The following TMEM64 variants were observed in gnomAD, a reference collection of about 807,000 sequenced individuals.
TMEM64 encodes transmembrane protein 64.
Under a neutral mutation model 24.5 loss-of-function variants are expected in TMEM64, and 19 were observed. The observed-to-expected ratio is 0.78, with a 90% CI of 0.54 to 1.14. The LOEUF is 1.14. TMEM64 is among the 50% of genes most tolerant of loss of function. TMEM64 has a pLI of 0.00. For missense variants in TMEM64, 487 were observed against 493.0 expected (o/e 0.99, Z 0.12); for synonymous variants, 262 against 224.7 (o/e 1.17, Z -1.49).
chr8:90,635,144 C>A (rs1184640864), intron 1 of TMEM64, among the ~76,000 whole-genome samples: 1 of 152,126 alleles, frequency 6.6e-6, no homozygotes, highest in Non-Finnish European at 1.5e-5. Context: ...ACCTCAGAAA[C>A]AGGCAGAATG....
Position 90,645,977 on chromosome 8 carries a change from T to G in TMEM64, c.-72A>C. The G allele has an allele frequency of 4.7e-6, 4 of 845,084 alleles. No individual in the cohort carries two copies. The highest frequency in any genetic ancestry group is 5.9e-6 in the Non-Finnish European group (4 of 682,524). 52.3% of individuals were successfully genotyped at this position (845,084 alleles called of 1,614,324 possible). On this transcript the variant is annotated 5_prime_UTR_variant, in exon 1 of 3. It removes an upstream start codon present in the reference 5' UTR. Transcript: ENST00000458549. This position sits in a 1 kb window ranked among gnomAD's most constrained non-coding sequence, Gnocchi z 4.2. The stretch of plus-strand genomic sequence containing the variant: ...GCGCCCGTTAGGCAGCTGCCCTTCA[T>G]GGCGCCCGGTTCGCCCGGCATCGAC...
rs1285717206 is a variant in TMEM64 at position 90,645,675 on chromosome 8, C to T, written c.231G>A (p.Glu77=). 1.3e-6 allele frequency: 2 copies of T among 1,499,274 alleles called. No individual in the cohort carries two copies. The highest frequency in any genetic ancestry group is 2.2e-5 in the Admixed American group (1 of 44,928). The allele number at this position is 1,499,274 out of a possible 1,614,324, so 92.9% of individuals were successfully genotyped here. A position where few individuals can be genotyped will look rare whatever the true frequency, so the allele number is the denominator to read the frequency against. Residue 77 remains glutamate, a synonymous_variant, in exon 1 of 3, where the codon GAG becomes GAA. Coordinates refer to ENST00000458549, the MANE Select transcript of TMEM64 (RefSeq NM_001008495.4). This position sits in a 1 kb window ranked among gnomAD's most constrained non-coding sequence, Gnocchi z 4.2. ...CGCCCGGCTCCGGCAGCTCCGAAGC[C>T]TCGGGCGGACCGTGGCGCTCCAGAT... is the stretch of plus-strand genomic sequence containing the variant. ...GAYLERHGPP[E]ASELPEPGGA...
chr8:90,640,345 C>T (rs1401185548), intron 1 of TMEM64, among the ~76,000 whole-genome samples: 1 of 152,092 alleles, frequency 6.6e-6, no homozygotes, highest in African/African-American at 2.4e-5. Flanking sequence ...AATAAGAAAA[C>T]ATATTACAGA....
rs1316858498 is a variant in TMEM64, at chr8:90,644,652, T to C, written c.795+459A>G. 5.3e-5 allele frequency among the ~76,000 whole-genome samples: 8 copies of C among 152,230 alleles called. No individual in the cohort carries two copies. In the East Asian group the frequency reaches 1.3e-3, roughly 26 times the overall value. On this transcript the variant is annotated intron_variant, in intron 1 of 2. Transcript: ENST00000458549. ...TTAGCAAACTCCAAAATCTGGAGTCTGCAACTAGCTCCTCCACTGTTTACT... is the reference window on the plus strand; with the variant it reads ...TTAGCAAACTCCAAAATCTGGAGTCCGCAACTAGCTCCTCCACTGTTTACT...
chr8:90,628,715 G>C (rs1328497657), intron 2 of TMEM64, among the ~76,000 whole-genome samples: 3 of 152,180 alleles, frequency 2.0e-5, no homozygotes, highest in African/African-American at 7.2e-5. Flanking sequence ...AGTACAGTTT[G>C]AGCATTCCTA....
intron 1 of TMEM64, among the ~76,000 whole-genome samples, chr8:90,644,579 A>G (rs954120068): frequency 2.6e-5 from 4 of 152,358 alleles, no homozygotes; most frequent in Admixed American, 6.5e-5. Flanking sequence ...TCTTCTTTAC[A>G]TCACATTAAA....
chr8:90,639,156 C>T (rs982102142), intron 1 of TMEM64, among the ~76,000 whole-genome samples: 1 of 151,602 alleles, frequency 6.6e-6, no homozygotes, highest in Non-Finnish European at 1.5e-5. Context: ...AGTGCTGAGA[C>T]CCTACCCTAA....
At chr8:90,637,659 G>A (rs1249927654) in intron 1 of TMEM64, among the ~76,000 whole-genome samples, 1 of 151,974 alleles carries the variant, frequency 6.6e-6, no homozygotes, top group African/African-American at 2.4e-5. Context: ...TGTTAAGAAA[G>A]GATTGGTCAA....
chr8:90,630,397 T>C (rs1409135315), intron 2 of TMEM64, among the ~76,000 whole-genome samples: 1 of 152,162 alleles, frequency 6.6e-6, no homozygotes, highest in Admixed American at 6.5e-5. Flanking sequence ...GTGGAACCAA[T>C]GGATAGAGAG....
In TMEM64 at chr8:90,645,588, C is replaced by A; in HGVS notation, c.318G>T (p.Val106=). 6.5e-7 allele frequency: 1 copy of A among 1,540,278 alleles called. No individual in the cohort carries two copies. ...GGGVVVGVAE[V]RNWRCCCLGS... The stretch of plus-strand genomic sequence containing the variant: ...CGAGGCAGCAGCAGCGCCAGTTTCT[C>A]ACCTCAGCCACGCCGACCACCACGC... The change falls in exon 1 of 3, where the codon GTG becomes GTT. Residue 106 remains valine (V), a synonymous_variant. Transcript: ENST00000458549. This position sits in a 1 kb window ranked among gnomAD's most constrained non-coding sequence, Gnocchi z 4.2.
rs374193916 is a variant in TMEM64, at chr8:90,624,117, A to C, written c.*1554T>G. ...AGGTATGGACATATAAATGAACTTT[A>C]CTGTTACTCAAAGGTGAGAAAACTT... On this transcript the variant is annotated 3_prime_UTR_variant, in exon 3 of 3. Transcript: ENST00000458549. The C allele has an allele frequency of 2.1e-4, 32 of 152,182 alleles. No homozygotes were observed. Among genetic ancestry groups the C allele is most frequent in the African/African-American group, 6.7e-4 (28 of 41,550 alleles). 9.4% of individuals were successfully genotyped at this position (152,182 alleles called of 1,614,324 possible).
rs868228432 is a variant in TMEM64 at position 90,645,173 on chromosome 8, T to G, written c.733A>C (p.Lys245Gln). Residue 245 changes from lysine (K) to glutamine (Q), a missense_variant, in exon 1 of 3, where the codon AAA becomes CAA. Lys to Gln is a moderately conservative substitution (Grantham distance 53). Around this residue, in one of 3 missense-constraint regions of TMEM64, gnomAD observed 419 missense variants for 407.5 expected, o/e 1.03. Coordinates refer to ENST00000458549, the MANE Select transcript of TMEM64 (RefSeq NM_001008495.4). This position sits in a 1 kb window ranked among gnomAD's most constrained non-coding sequence, Gnocchi z 4.2. Reference sequence around the variant, plus strand: ...GTCAGTCTGGCCAGCGCCACCACTTTCAGGCCGCTTCCTCCCTCCACTACG... The same window carrying G: ...GTCAGTCTGGCCAGCGCCACCACTTGCAGGCCGCTTCCTCCCTCCACTACG... ...IRVVEGGSGL[K>Q]VVALARLTPI... 1.2e-5 allele frequency: 19 copies of G among 1,614,020 alleles called. No individual in the cohort carries two copies. The Middle Eastern group carries it at 6.6e-4, about 56-fold the overall frequency.
chr8:90,636,470 G>A (rs898823362), intron 1 of TMEM64, among the ~76,000 whole-genome samples: 1 of 152,154 alleles, frequency 6.6e-6, no homozygotes, highest in Non-Finnish European at 1.5e-5. Flanking sequence ...TGGTCAGGCT[G>A]GTCTCGAACT....
rs1016764034 is a variant in TMEM64 at position 90,623,961 on chromosome 8, T to C, written c.*1710A>G. ...AGAGAAAAAAAACCGAAATGAGTAA[T>C]TAGGATTCAAAAAGAATAAGGGTAT... is the stretch of plus-strand genomic sequence containing the variant. On this transcript the variant is annotated 3_prime_UTR_variant, in exon 3 of 3. Coordinates refer to ENST00000458549, the MANE Select transcript of TMEM64 (RefSeq NM_001008495.4). 12 of 151,520 alleles carry C rather than the reference T, an allele frequency of 7.9e-5. No homozygotes were observed. The highest frequency in any genetic ancestry group is 1.6e-4 in the Non-Finnish European group (11 of 67,830). 9.4% of individuals were successfully genotyped at this position (151,520 alleles called of 1,614,324 possible). A position where few individuals can be genotyped will look rare whatever the true frequency, so the allele number is the denominator to read the frequency against.
intron 1 of TMEM64, among the ~76,000 whole-genome samples, chr8:90,642,922 T>C (rs1346155122): frequency 1.3e-5 from 2 of 152,192 alleles, no homozygotes; most frequent in African/African-American, 4.8e-5. Flanking sequence ...GAGGCCATTT[T>C]TCTTTTTTTT....
chr8:90,634,807 T>A (rs1223081206), intron 1 of TMEM64, among the ~76,000 whole-genome samples: 1 of 152,222 alleles, frequency 6.6e-6, no homozygotes, highest in East Asian at 1.9e-4. Context: ...AGAAAGCTAC[T>A]GGCCACTATA....
intron 2 of TMEM64, among the ~76,000 whole-genome samples, chr8:90,631,207 T>C (rs1246814341): frequency 1.3e-5 from 2 of 152,146 alleles, no homozygotes; most frequent in Non-Finnish European, 1.5e-5. Context: ...CTCTGCCCAA[T>C]CTTACTGAAA....
chr8:90,642,405 T>C (rs1809617754), intron 1 of TMEM64, among the ~76,000 whole-genome samples: 1 of 151,644 alleles, frequency 6.6e-6, no homozygotes, highest in Non-Finnish European at 1.5e-5. Context: ...AAATGAGTTT[T>C]AACTGGAATT....
intron 1 of TMEM64, among the ~76,000 whole-genome samples, chr8:90,642,160 T>C (rs558440584): frequency 6.6e-6 from 1 of 152,296 alleles, no homozygotes; most frequent in East Asian, 1.9e-4. Flanking sequence ...ATAATGACAC[T>C]TAACAATTAC....
Sources: allele counts gnomAD v4.1 joint callset (sites outside exome capture counted in the v4.1 genomes callset), GRCh38; gene constraint gnomAD v4.1.1; regional missense constraint gnomAD v4.1.1; non-coding constraint Gnocchi (gnomAD v3.1); transcripts MANE v1.5; gene names NCBI Gene and HGNC (gene_info 2026-07-23, HGNC 2026-07-21).